Variants in MYO1A observed in about 807,000 individuals in gnomAD.
MYO1A encodes unconventional myosin-Ia.
A neutral mutation model predicts 138.5 loss-of-function variants in MYO1A; 127 were observed. The observed-to-expected ratio is 0.92, with a 90% CI of 0.79 to 1.06. MYO1A has a LOEUF of 1.06. Ranked by LOEUF, MYO1A falls within the 50% of genes least tolerant of loss-of-function variation. The probability of loss-of-function intolerance (pLI) is 0.00; values close to 1 mark genes in which losing one functional copy is unlikely to be tolerated. For missense variants in MYO1A, 1,211 were observed against 1,288.8 expected (o/e 0.94, Z 0.92); for synonymous variants, 477 against 497.5 (o/e 0.96, Z 0.55).
At chr12:57,044,455 CT>C (rs751397141) in intron 8 of MYO1A, among the ~76,000 whole-genome samples, 20 of 152,210 alleles carry the variant, frequency 1.3e-4, no homozygotes, top group Non-Finnish European at 2.5e-4. Context: ...GTGGTGCGAT[CT>C]CAGCTCACTG....
chr12:57,044,411 C>A (rs1416857567), intron 8 of MYO1A, among the ~76,000 whole-genome samples: 1 of 152,164 alleles, frequency 6.6e-6, no homozygotes, highest in Non-Finnish European at 1.5e-5. Flanking sequence ...GTTGTTGAGA[C>A]AGGGTCTCAC....
At chr12:57,030,030 C>T (rs574104892) in intron 24 of MYO1A, 158 bp from the exon 25 acceptor site, 4 of 1,357,518 alleles carry the variant, frequency 2.9e-6, no homozygotes, top group South Asian at 1.2e-5. Flanking sequence ...ATCAGCACCA[C>T]CTGGGGAGTT....
rs2030209035 is a variant in MYO1A at position 57,030,217 on chromosome 12, G to A, written c.2584C>T (p.Pro862Ser). 1 of 1,613,778 alleles carries A rather than the reference G, an allele frequency of 6.2e-7. No homozygotes were observed. The highest frequency in any genetic ancestry group is 8.5e-7 in the Non-Finnish European group (1 of 1,179,784). Residue 862 changes from proline to serine, a missense_variant, in exon 24 of 28, where the codon CCC (proline) becomes TCC (serine). Pro to Ser is a moderately conservative substitution (Grantham distance 74). Transcript: ENST00000300119. Reference sequence around the variant, plus strand: ...GGTCTGGGAGGCCCTCACCTCTGGGGATATGAAGCCTTCTTGCCCTTGAAC... The same window carrying A: ...GGTCTGGGAGGCCCTCACCTCTGGGAATATGAAGCCTTCTTGCCCTTGAAC... ...ELFKGKKASYPQSVPIPFCGD... is the reference protein window; with the variant it reads ...ELFKGKKASYSQSVPIPFCGD...
At position 57,028,796 on chromosome 12, in the gene MYO1A, T is replaced by C. The variant is rs371613423; in HGVS notation, c.3091A>G (p.Lys1031Glu). 1.1e-4 allele frequency: 176 copies of C among 1,613,974 alleles called. 2 individuals are homozygous for C. Among genetic ancestry groups the C allele is most frequent in the Non-Finnish European group, 1.4e-4 (163 of 1,180,018 alleles). ...TCCAAGCAATGACTCCCCTTTTTTT[T>C]GTAGCGTAGCTTGCTGTTGTCACCA... ...AGGDNSKLRY[K>E]KKGSHCLEVT... The change falls in exon 28 of 28, where the codon AAA becomes GAA. Residue 1031 changes from lysine to glutamate, a missense_variant. Lys to Glu is a moderately conservative substitution (Grantham distance 56, BLOSUM62 1). Transcript: ENST00000300119.
chr12:57,050,527 G>A (rs2031300554), upstream of MYO1A, among the ~76,000 whole-genome samples: 1 of 152,096 alleles, frequency 6.6e-6, no homozygotes, highest in African/African-American at 2.4e-5. Flanking sequence ...TTTACAAAGA[G>A]TGTCTTCCTA....
intron 12 of MYO1A, 75 bp from the exon 13 acceptor site, chr12:57,041,572 G>T: frequency 7.6e-7 from 1 of 1,311,530 alleles, no homozygotes; most frequent in Non-Finnish European, 1.1e-6. Context: ...GGAGCGGATG[G>T]GGTTGGAGTA....
In MYO1A at chr12:57,038,065, T is replaced by C. The variant is rs925594838; in HGVS notation, c.1765A>G (p.Ile589Val). The C allele has an allele frequency of 5.0e-6, 8 of 1,613,726 alleles. No individual in the cohort carries two copies. Among genetic ancestry groups the C allele is most frequent in the Non-Finnish European group, 6.8e-6 (8 of 1,180,046 alleles). Residue 589 changes from isoleucine (I) to valine (V), a missense_variant, in exon 18 of 28, where the codon ATA (isoleucine) becomes GTA (valine). By Grantham distance (29) the Ile-to-Val change is conservative. Transcript: ENST00000300119. The part of the protein sequence containing the change: ...YSKSPNYIRC[I>V]KPNEHQQRGQ... ...CGCTGCTGATGCTCATTGGGCTTTA[T>C]GCACCTGGTGGGAGGTGGGGTAAGG... is the stretch of plus-strand genomic sequence containing the variant.
chr12:57,030,138 TTC>T, intron 24 of MYO1A, 70 bp downstream of exon 24: 1 of 1,396,814 alleles, frequency 7.2e-7, no homozygotes, highest in South Asian at 1.2e-5. Flanking sequence ...TGCCAGGTGA[TTC>T]TAAGGCACGC....
chr12:57,037,365 C>A (rs895510746), intron 19 of MYO1A, among the ~76,000 whole-genome samples, 183 bp downstream of exon 19: 1 of 152,182 alleles, frequency 6.6e-6, no homozygotes. Context: ...TCCCCAGGCT[C>A]AGGGCAGTGT....
chr12:57,034,524 A>C (rs2030439054), intron 22 of MYO1A, among the ~76,000 whole-genome samples: 1 of 151,574 alleles, frequency 6.6e-6, no homozygotes, highest in South Asian at 2.1e-4. Flanking sequence ...AATATAAAAA[A>C]TTAGCCAGGC....
Position 57,028,667 on chromosome 12 carries a change from G to T in MYO1A, c.*88C>A. ...CAAGCCATGCGCCACGATCAGAGGG[G>T]TTAGAGATCCTCCCACACAGGAGGG... On this transcript the variant is annotated 3_prime_UTR_variant, in exon 28 of 28. Coordinates refer to ENST00000300119, the MANE Select transcript of MYO1A (RefSeq NM_005379.4). The T allele has an allele frequency of 6.4e-7, 1 of 1,562,638 alleles. No homozygotes were observed. The highest frequency in any genetic ancestry group is 8.7e-7 in the Non-Finnish European group (1 of 1,144,064).
Position 57,031,114 on chromosome 12 carries a change from T to C in MYO1A, c.2410A>G (p.Thr804Ala). 1 of 1,614,174 alleles carries C rather than the reference T, an allele frequency of 6.2e-7. No individual in the cohort carries two copies. Among genetic ancestry groups the C allele is most frequent in the Non-Finnish European group, 8.5e-7 (1 of 1,180,032 alleles). Residue 804 changes from threonine to alanine, a missense_variant, in exon 23 of 28, where the codon ACA (threonine) becomes GCA (alanine). Thr to Ala is a moderately conservative substitution (Grantham distance 58). Coordinates refer to ENST00000300119, the MANE Select transcript of MYO1A (RefSeq NM_005379.4). ...NLPSTNVLDK[T>A]WPAAPYKCLS... ...CACTTGTAGGGGGCGGCTGGCCATG[T>C]CTTGTCTAAGACGTTTGTGGATGGC... is the stretch of plus-strand genomic sequence containing the variant.
upstream of MYO1A, chr12:57,051,177 A>G (rs1179728541): frequency 6.6e-6 from 1 of 152,242 alleles, no homozygotes; most frequent in Non-Finnish European, 1.5e-5. Flanking sequence ...ACTCTCAGCT[A>G]TGGCTGCTTG....
At position 57,036,779 on chromosome 12, in the gene MYO1A, C is replaced by T; in HGVS notation, c.2267G>A (p.Gly756Glu). Residue 756 changes from glycine (G) to glutamate (E), a missense_variant, in exon 21 of 28, where the codon GGG (glycine) becomes GAG (glutamate). By Grantham distance (98) the Gly-to-Glu change is moderately conservative (BLOSUM62 -2). Transcript: ENST00000300119. Reference sequence around the variant, plus strand: ...TCTTCCACTCTCCATTACCTTCCACCCTCTCACAAAAGCCTGGATCAATAA... The same window carrying T: ...TCTTCCACTCTCCATTACCTTCCACTCTCTCACAAAAGCCTGGATCAATAA... ...SVLLIQAFVR[G>E]WKARKNYRKY... is the part of the protein sequence containing the mutation. 1 of 1,614,208 alleles carries T rather than the reference C, an allele frequency of 6.2e-7. No individual in the cohort carries two copies. The highest frequency in any genetic ancestry group is 8.5e-7 in the Non-Finnish European group (1 of 1,180,022).
intron 5 of MYO1A, 75 bp from the exon 6 acceptor site, chr12:57,047,182 T>C (rs2031139084): frequency 2.5e-6 from 4 of 1,597,080 alleles, no homozygotes; most frequent in South Asian, 1.1e-5. Flanking sequence ...CTCATGACAA[T>C]CTCAGATTTT....
chr12:57,044,006 T>C lies in MYO1A; in HGVS notation c.745-3A>G. The C allele has an allele frequency of 1.2e-6, 2 of 1,614,052 alleles. No individual in the cohort carries two copies. The highest frequency in any genetic ancestry group is 1.7e-6 in the Non-Finnish European group (2 of 1,180,010). On this transcript the variant is annotated splice_polypyrimidine_tract_variant and splice_region_variant and intron_variant, in intron 9 of 27. Coordinates refer to ENST00000300119, the MANE Select transcript of MYO1A (RefSeq NM_005379.4). ...AACCCAATCACTGCCATTGCACTCTTAGGCAGAAAGCAGAAATCAAAAGCT... is the reference window on the plus strand; with the variant it reads ...AACCCAATCACTGCCATTGCACTCTCAGGCAGAAAGCAGAAATCAAAAGCT...
rs1024180218 is a variant in MYO1A, at chr12:57,028,650, G to A, written c.*105C>T. 4 of 1,489,472 alleles carry A rather than the reference G, an allele frequency of 2.7e-6. No individual in the cohort carries two copies. Among genetic ancestry groups the A allele is most frequent in the Non-Finnish European group, 3.7e-6 (4 of 1,091,254 alleles). The allele number at this position is 1,489,472 out of a possible 1,614,324, so 92.3% of individuals were successfully genotyped here. On this transcript the variant is annotated 3_prime_UTR_variant, in exon 28 of 28. Transcript: ENST00000300119. ...AAGGGTAGTTTAATCCCCAAGCCAT[G>A]CGCCACGATCAGAGGGGTTAGAGAT...
chr12:57,047,427 T>C lies in MYO1A; in HGVS notation c.326-20A>G. On this transcript the variant is annotated intron_variant, in intron 4 of 27. Coordinates refer to ENST00000300119, the MANE Select transcript of MYO1A (RefSeq NM_005379.4). ...TGGCCTCTGTGCAGGCAAAACGCTC[T>C]CATGGGTCCCCACCCAGGACTAGCC... The C allele has an allele frequency of 6.2e-7, 1 of 1,610,658 alleles. No homozygotes were observed. The highest frequency in any genetic ancestry group is 2.2e-5 in the East Asian group (1 of 44,850).
At position 57,041,296 on chromosome 12, in the gene MYO1A, A is replaced by G; in HGVS notation, c.1165-8T>C. On this transcript the variant is annotated splice_region_variant and splice_polypyrimidine_tract_variant and intron_variant, in intron 13 of 27. Transcript: ENST00000300119. ...TTGCTCAAAGCTATTATCCTGAGAG[A>G]GGGAGCACAGGTTAGAGAGCTCACT... 2 of 1,612,540 alleles carry G rather than the reference A, an allele frequency of 1.2e-6. No individual in the cohort carries two copies. Among genetic ancestry groups the G allele is most frequent in the Non-Finnish European group, 8.5e-7 (1 of 1,178,578 alleles).
Sources: allele counts gnomAD v4.1 joint callset (sites outside exome capture counted in the v4.1 genomes callset), GRCh38; gene constraint gnomAD v4.1.1; transcripts MANE v1.5; gene names NCBI Gene and HGNC (gene_info 2026-07-23, HGNC 2026-07-21).